CLIP1: variants seen among roughly 807,000 people sequenced by gnomAD.
CLIP1 encodes CAP-Gly domain containing linker protein 1, also known as CAP-Gly domain-containing linker protein 1.
Under a neutral mutation model 161.6 loss-of-function variants are expected in CLIP1, and 66 were observed. The observed-to-expected ratio is 0.41, with a 90% CI of 0.33 to 0.50. CLIP1 has a LOEUF of 0.50. Among genes scored for constraint, CLIP1 ranks in the 20% least tolerant of loss-of-function variants. The pLI, the probability that CLIP1 is intolerant of heterozygous loss-of-function variation, is 0.27. For synonymous variants in CLIP1, 598 were observed against 626.2 expected, an observed-to-expected ratio of 0.96 and a Z score of 0.67; for missense variants, 1,376 against 1,702.0, an observed-to-expected ratio of 0.81 and a Z score of 3.37.
rs1160669124 is a variant in CLIP1, at chr12:122,328,259, A to C, written c.3033+2T>G. On this transcript the variant is annotated splice_donor_variant, in intron 16 of 25. Transcript: ENST00000620786. LOFTEE classifies it high-confidence loss of function. ...CAACAGGCCCACTGAGTATCTCCTT[A>C]CCAGGTCCGACAATTTCCTCTCCAA... is the stretch of plus-strand genomic sequence containing the variant. The C allele has an allele frequency of 6.2e-7, 1 of 1,613,594 alleles. No homozygotes were observed. Among genetic ancestry groups the C allele is most frequent in the Non-Finnish European group, 8.5e-7 (1 of 1,179,882 alleles).
intron 1 of CLIP1, among the ~76,000 whole-genome samples, chr12:122,405,325 C>G (rs767070234): frequency 1.3e-5 from 2 of 152,176 alleles, no homozygotes; most frequent in Non-Finnish European, 2.9e-5. Context: ...AGCCGTAACT[C>G]TAGGTTTTTT....
intron 3 of CLIP1, chr12:122,364,854 G>A: frequency 4.2e-6 from 3 of 710,106 alleles, no homozygotes; most frequent in Non-Finnish European, 7.6e-6. Context: ...AAATGGAGTT[G>A]CTCCTTTGGC....
intron 20 of CLIP1, among the ~76,000 whole-genome samples, chr12:122,306,026 C>G (rs1326975004): frequency 6.6e-6 from 1 of 150,406 alleles, no homozygotes; most frequent in African/African-American, 2.5e-5. Context: ...TGCACTCCAG[C>G]TTGGACTACA....
chr12:122,363,648 C>G (rs1953988540), intron 4 of CLIP1, among the ~76,000 whole-genome samples: 2 of 152,090 alleles, frequency 1.3e-5, no homozygotes, highest in African/African-American at 4.8e-5. Flanking sequence ...CTGCCCCCGC[C>G]CCCTCCCCAG....
In CLIP1 at chr12:122,397,326, G is replaced by A. The variant is rs945802068; in HGVS notation, c.-106-16768C>T. 4.0e-5 allele frequency among the ~76,000 whole-genome samples: 6 copies of A among 151,142 alleles called. No individual in the cohort carries two copies. The East Asian group carries it at 7.8e-4, about 20-fold the overall frequency. ...AATCAAAAGATGGAAGAGTTCAGGC[G>A]TGTGGCTCATGCCTGTAATCCCAGC... On this transcript the variant is annotated intron_variant, in intron 1 of 25. Coordinates refer to ENST00000620786, the MANE Select transcript of CLIP1 (RefSeq NM_001247997.2).
intron 21 of CLIP1, among the ~76,000 whole-genome samples, chr12:122,282,082 C>T (rs758156481): frequency 6.6e-6 from 1 of 152,186 alleles, no homozygotes; most frequent in East Asian, 1.9e-4. Flanking sequence ...CTAAGGAGAT[C>T]GCTGCCAGAA....
intron 1 of CLIP1, among the ~76,000 whole-genome samples, chr12:122,391,151 G>A (rs1197927692): frequency 6.6e-6 from 1 of 151,790 alleles, no homozygotes. Flanking sequence ...AGCCAGATGT[G>A]GTGGCGGGCA....
rs1951254250 is a variant in CLIP1 at position 122,316,021 on chromosome 12, G to A, written c.3473+728C>T. ...TTTTTCCCCCTATAAAAAGAGTTTT[G>A]AGGGACTTGCTAATGAAGGGTCTGA... On this transcript the variant is annotated intron_variant, in intron 19 of 25. Coordinates refer to ENST00000620786, the MANE Select transcript of CLIP1 (RefSeq NM_001247997.2). 2.0e-5 allele frequency among the ~76,000 whole-genome samples: 3 copies of A among 151,976 alleles called. No homozygotes were observed. In the South Asian group the frequency reaches 6.2e-4, roughly 32 times the overall value.
chr12:122,392,612 T>C (rs1454717607), intron 1 of CLIP1, among the ~76,000 whole-genome samples: 1 of 151,974 alleles, frequency 6.6e-6, no homozygotes, highest in African/African-American at 2.4e-5. Context: ...AAAACCACCA[T>C]GGCAAGCCGG....
At chr12:122,361,449 T>C (rs1315826199) in intron 4 of CLIP1, among the ~76,000 whole-genome samples, 3 of 152,176 alleles carry the variant, frequency 2.0e-5, no homozygotes, top group Non-Finnish European at 4.4e-5. Flanking sequence ...GAAATAAATA[T>C]TTTCACAACC....
chr12:122,392,310 T>G lies in CLIP1; in HGVS notation c.-106-11752A>C, dbSNP rs565581475. Among the ~76,000 whole-genome samples, 5 of 152,242 alleles carry G rather than the reference T, an allele frequency of 3.3e-5. No individual in the cohort carries two copies. In the East Asian group the frequency reaches 9.6e-4, roughly 29 times the overall value. On this transcript the variant is annotated intron_variant, in intron 1 of 25. Transcript: ENST00000620786. ...AGAAAGAAGGAAATCTGAGGTTGGGTATACATACAGTTCAAGACCATAGCC... is the reference window on the plus strand; with the variant it reads ...AGAAAGAAGGAAATCTGAGGTTGGGGATACATACAGTTCAAGACCATAGCC...
Position 122,355,165 on chromosome 12 carries a change from C to A in CLIP1, c.1153G>T (p.Val385Leu), listed in dbSNP as rs759562298. ...GCTAGCTCCTGCTCTATCTCCCCCA[C>A]GTGGCTCGTGGCCTTGGCCACCTCC... ...RAEVAKATSHVGEIEQELALA... is the reference protein window; with the variant it reads ...RAEVAKATSHLGEIEQELALA... Residue 385 changes from valine to leucine, a missense_variant, in exon 6 of 26, where the codon GTG becomes TTG. This residue lies in a region of CLIP1 where 211 missense variants were observed against 295.1 expected (regional missense o/e 0.72). Coordinates refer to ENST00000620786, the MANE Select transcript of CLIP1 (RefSeq NM_001247997.2). This position sits in a 1 kb window ranked among gnomAD's most constrained non-coding sequence, Gnocchi z 4.1. 1 of 1,614,234 alleles carries A rather than the reference C, an allele frequency of 6.2e-7. No individual in the cohort carries two copies. Among genetic ancestry groups the A allele is most frequent in the Non-Finnish European group, 8.5e-7 (1 of 1,180,028 alleles).
At chr12:122,389,550 G>A (rs1424862336) in intron 1 of CLIP1, among the ~76,000 whole-genome samples, 1 of 152,004 alleles carries the variant, frequency 6.6e-6, no homozygotes, top group African/African-American at 2.4e-5. Context: ...CTTGAGGTTA[G>A]GTGTTCGAGA....
chr12:122,386,581 G>C (rs1955269340), intron 1 of CLIP1, among the ~76,000 whole-genome samples: 1 of 152,166 alleles, frequency 6.6e-6, no homozygotes, highest in African/African-American at 2.4e-5. Flanking sequence ...TTTCAACAGT[G>C]ACCAAAGAGA....
intron 15 of CLIP1, 27 bp from the exon 16 acceptor site, chr12:122,328,453 C>CTGGGCACA: frequency 7.2e-7 from 1 of 1,391,520 alleles, no homozygotes; most frequent in Non-Finnish European, 9.6e-7. Context: ...TATAAGGTGT[C>CTGGGCACA]AGATTTTTCA....
Position 122,354,623 on chromosome 12 carries a change from T to C in CLIP1, c.1204-67A>G, listed in dbSNP as rs1332415349. 3 of 1,282,210 alleles carry C rather than the reference T, an allele frequency of 2.3e-6. No individual in the cohort carries two copies. In the African/African-American group the frequency reaches 4.4e-5, roughly 19 times the overall value. 79.4% of individuals were successfully genotyped at this position (1,282,210 alleles called of 1,614,324 possible). ...CCAGATACAGACCCAGTGATACTTC[T>C]CCAAAGAGCTGTGGGTCACCATGGT... On this transcript the variant is annotated intron_variant, in intron 6 of 25. Transcript: ENST00000620786.
intron 1 of CLIP1, among the ~76,000 whole-genome samples, chr12:122,405,219 T>C (rs1466770453): frequency 1.3e-5 from 2 of 151,362 alleles, no homozygotes; most frequent in African/African-American, 2.5e-5. Context: ...AGACGTTCTG[T>C]CACTGCTGCA....
At chr12:122,400,510 G>C (rs1437631337) in intron 1 of CLIP1, 1 of 149,816 alleles carries the variant, frequency 6.7e-6, no homozygotes, top group African/African-American at 2.5e-5. Context: ...ACACAGAAGG[G>C]CTTTGGGGGC....
chr12:122,312,231 C>T (rs186161130), intron 19 of CLIP1, among the ~76,000 whole-genome samples: 17 of 152,192 alleles, frequency 1.1e-4, no homozygotes, highest in Admixed American at 1.0e-3. Flanking sequence ...TACTACTGTG[C>T]CAGGTTAGTA....
Sources: gnomAD v4.1 joint callset for allele counts (sites outside exome capture counted in the v4.1 genomes callset) on GRCh38, gnomAD v4.1.1 for gene constraint, gnomAD v4.1.1 regional missense constraint, Gnocchi (gnomAD v3.1) non-coding constraint, MANE v1.5 for transcripts, NCBI Gene and HGNC (gene_info 2026-07-23, HGNC 2026-07-21) for gene names.